Variants in DOCK1 observed in about 807,000 individuals in gnomAD.
The protein encoded by DOCK1 is dedicator of cytokinesis 1.
DOCK1 carries 138 observed loss-of-function variants against 262.7 expected under a neutral mutation model. The observed-to-expected ratio is 0.53, with a 90% CI of 0.46 to 0.61. The LOEUF is 0.61. DOCK1 is among the 20% of genes least tolerant of loss of function. The pLI is 0.00. For missense variants in DOCK1, 1,908 were observed against 2,370.7 expected (o/e 0.80, Z 4.05); for synonymous variants, 866 against 867.4 (o/e 1.00, Z 0.03).
intron 22 of DOCK1, among the ~76,000 whole-genome samples, chr10:127,058,273 A>G (rs2045299391): frequency 6.6e-6 from 1 of 152,080 alleles, no homozygotes; most frequent in Non-Finnish European, 1.5e-5. Context: ...GGGCATACAG[A>G]TTTATAATCA....
intron 46 of DOCK1, among the ~76,000 whole-genome samples, chr10:127,421,570 C>T (rs1469409018): frequency 6.6e-6 from 1 of 152,174 alleles, no homozygotes; most frequent in African/African-American, 2.4e-5. Flanking sequence ...CCATCCATCT[C>T]CAGAGCCTTG....
rs373413868 is a variant in DOCK1 at position 127,024,760 on chromosome 10, C to G, written c.1528C>G (p.Pro510Ala). ...TGTGATTTACTACCAAGTAAAGCAG[C>G]CACGCTGGTTTGAGACTGTTAAGGT... ...KSVIYYQVKQ[P>A]RWFETVKVAI... Residue 510 changes from proline to alanine, a missense_variant, in exon 15 of 52, where the codon CCA becomes GCA. Around this residue, in one of 9 missense-constraint regions of DOCK1, gnomAD observed 294 missense variants for 439.9 expected, o/e 0.67. Coordinates refer to ENST00000623213, the MANE Select transcript of DOCK1 (RefSeq NM_001290223.2). 52 of 1,610,934 alleles carry G rather than the reference C, an allele frequency of 3.2e-5. No homozygotes were observed. Among genetic ancestry groups the G allele is most frequent in the Non-Finnish European group, 4.2e-5 (49 of 1,178,654 alleles).
intron 1 of DOCK1, among the ~76,000 whole-genome samples, chr10:126,943,748 TA>T (rs2035191126): frequency 6.6e-6 from 1 of 151,964 alleles, no homozygotes; most frequent in Non-Finnish European, 1.5e-5. Context: ...GCTTTTTAAA[TA>T]GGTGCTTTGA....
At chr10:127,444,374 T>G in intron 50 of DOCK1, 95 bp downstream of exon 50, 1 of 1,398,160 alleles carries the variant, frequency 7.2e-7, no homozygotes, top group Non-Finnish European at 9.5e-7. Context: ...CTCCCTCCCC[T>G]TGCAGCAGAG....
chr10:127,362,887 A>C (rs114348677), intron 33 of DOCK1, among the ~76,000 whole-genome samples: 33 of 134,088 alleles, frequency 2.5e-4, no homozygotes, highest in African/African-American at 9.0e-4. Context: ...ACACATCCCC[A>C]CACACACACA....
At chr10:127,384,951 T>C (rs1590817165) in intron 38 of DOCK1, 42 bp downstream of exon 38, 2 of 1,528,596 alleles carry the variant, frequency 1.3e-6, no homozygotes, top group Non-Finnish European at 1.8e-6. Flanking sequence ...CCTCTTTCCA[T>C]GCACCTACCT....
At chr10:127,367,974 G>A (rs1171188474) in intron 33 of DOCK1, among the ~76,000 whole-genome samples, 2 of 152,144 alleles carry the variant, frequency 1.3e-5, no homozygotes, top group South Asian at 2.1e-4. Flanking sequence ...CAGCCCTGTG[G>A]CCACTGTCAG....
At chr10:127,020,441 C>T (rs2042331676) in intron 13 of DOCK1, among the ~76,000 whole-genome samples, 1 of 151,854 alleles carries the variant, frequency 6.6e-6, no homozygotes. Context: ...CAGGTAGTAG[C>T]TGCTAGTAGC....
At chr10:127,240,787 T>C (rs1398990939) in intron 27 of DOCK1, among the ~76,000 whole-genome samples, 1 of 152,110 alleles carries the variant, frequency 6.6e-6, no homozygotes, top group Non-Finnish European at 1.5e-5. Context: ...TGTGAGAAAA[T>C]CAAAGCAACA....
chr10:126,988,673 T>G (rs1591549180), intron 5 of DOCK1, among the ~76,000 whole-genome samples: 1 of 152,336 alleles, frequency 6.6e-6, no homozygotes, highest in South Asian at 2.1e-4. Flanking sequence ...AGAGTAGGTA[T>G]TCTTAATGAG....
At chr10:127,259,254 T>C (rs1190309461) in intron 29 of DOCK1, among the ~76,000 whole-genome samples, 1 of 152,246 alleles carries the variant, frequency 6.6e-6, no homozygotes, top group Non-Finnish European at 1.5e-5. Flanking sequence ...AAATTATTCC[T>C]GTGGCCTTCT....
chr10:127,040,064 A>G (rs754153657), intron 19 of DOCK1, among the ~76,000 whole-genome samples: 3 of 151,988 alleles, frequency 2.0e-5, no homozygotes, highest in African/African-American at 4.8e-5. Context: ...TGACCATGTC[A>G]TGTGTCTGGG....
intron 1 of DOCK1, among the ~76,000 whole-genome samples, chr10:126,955,625 G>C (rs2036672041): frequency 6.6e-6 from 1 of 152,098 alleles, no homozygotes; most frequent in African/African-American, 2.4e-5. Flanking sequence ...GTGGTTCCCA[G>C]AAGGCCCAGA....
chr10:127,120,080 G>A (rs1359380598), intron 25 of DOCK1, among the ~76,000 whole-genome samples: 4 of 152,184 alleles, frequency 2.6e-5, no homozygotes, highest in Admixed American at 6.5e-5. Context: ...CAGCTGATTT[G>A]CATGGAGCCT....
intron 29 of DOCK1, among the ~76,000 whole-genome samples, chr10:127,270,443 A>G (rs1432468206): frequency 6.6e-6 from 1 of 152,002 alleles, no homozygotes. Flanking sequence ...TTCCCATTCT[A>G]TTGATTTCGT....
intron 27 of DOCK1, among the ~76,000 whole-genome samples, chr10:127,144,460 T>A (rs765019707): frequency 6.6e-6 from 1 of 152,228 alleles, no homozygotes; most frequent in Non-Finnish European, 1.5e-5. Context: ...ATCTTTTGTC[T>A]GCAGTGCATT....
intron 1 of DOCK1, among the ~76,000 whole-genome samples, chr10:126,939,828 T>C (rs2034854346): frequency 6.6e-6 from 1 of 152,210 alleles, no homozygotes; most frequent in African/African-American, 2.4e-5. Context: ...GTCAGATTAT[T>C]AGGCCTTTCT....
At chr10:127,250,515 G>A (rs1443038639) in intron 28 of DOCK1, among the ~76,000 whole-genome samples, 1 of 152,138 alleles carries the variant, frequency 6.6e-6, no homozygotes, top group Non-Finnish European at 1.5e-5. Context: ...TGTTGGCCGG[G>A]CGTGGTGGCT....
At chr10:127,213,833 T>G (rs556400114) in intron 27 of DOCK1, among the ~76,000 whole-genome samples, 1 of 152,188 alleles carries the variant, frequency 6.6e-6, no homozygotes, top group South Asian at 2.1e-4. Flanking sequence ...GTAATATTCA[T>G]CAGCATCATT....
Sources: allele counts gnomAD v4.1 joint callset (sites outside exome capture counted in the v4.1 genomes callset), GRCh38; gene constraint gnomAD v4.1.1; regional missense constraint gnomAD v4.1.1; transcripts MANE v1.5; gene names NCBI Gene and HGNC (gene_info 2026-07-23, HGNC 2026-07-21).